SASH1: variants seen among roughly 807,000 people sequenced by gnomAD.
SASH1 encodes the protein SAM and SH3 domain containing 1.
SASH1 carries 44 observed loss-of-function variants against 125.2 expected under a neutral mutation model. The observed-to-expected ratio is 0.35, with a 90% CI of 0.28 to 0.45. The LOEUF (loss-of-function observed/expected upper bound fraction) is 0.45, where lower values mean the gene tolerates loss of function less well. Ranked by LOEUF, SASH1 falls within the 20% of genes least tolerant of loss-of-function variation. The probability of loss-of-function intolerance (pLI) is 1.00; values close to 1 mark genes in which losing one functional copy is unlikely to be tolerated. For synonymous variants in SASH1, 639 were observed against 649.1 expected, an observed-to-expected ratio of 0.98 and a Z score of 0.24; for missense variants, 1,426 against 1,614.5, an observed-to-expected ratio of 0.88 and a Z score of 2.00.
intron 1 of SASH1, among the ~76,000 whole-genome samples, chr6:148,337,327 C>A (rs1282914641): frequency 3.3e-5 from 5 of 151,590 alleles, no homozygotes; most frequent in Non-Finnish European, 4.4e-5. Flanking sequence ...AGGTTCATGC[C>A]ATTCTCCTGC....
intron 1 of SASH1, among the ~76,000 whole-genome samples, chr6:148,302,841 T>TAC (rs942125692): frequency 1.5e-4 from 17 of 114,300 alleles, no homozygotes; most frequent in African/African-American, 5.3e-4. Context: ...TATATATATA[T>TAC]ATACACACAC....
intron 1 of SASH1, among the ~76,000 whole-genome samples, chr6:148,387,905 ATTTTTTTTTTTT>A (rs71004291): frequency 1.9e-5 from 1 of 53,964 alleles, no homozygotes; most frequent in South Asian, 1.1e-3. Flanking sequence ...CGCCCTGCTA[ATTTTTTTTTTTT>A]TTTTTTTTTT....
chr6:148,256,922 G>C, the SASH1 span, among the ~76,000 whole-genome samples: 4 of 152,132 alleles, frequency 2.6e-5, no homozygotes, highest in African/African-American at 9.7e-5. Flanking sequence ...GTTGATGAGA[G>C]CTTTGGGGGT....
chr6:148,378,075 G>A (rs1782982198), intron 1 of SASH1, among the ~76,000 whole-genome samples: 1 of 150,262 alleles, frequency 6.7e-6, no homozygotes, highest in South Asian at 2.1e-4. Flanking sequence ...TTTTTTGACG[G>A]AGTTTTGCTC....
intron 10 of SASH1, among the ~76,000 whole-genome samples, chr6:148,520,871 C>T (rs1248840456): frequency 6.6e-6 from 1 of 152,156 alleles, no homozygotes; most frequent in African/African-American, 2.4e-5. Context: ...TTTTAAAGCA[C>T]ATTTATTTTA....
At position 148,423,000 on chromosome 6, in the gene SASH1, G is replaced by A. The variant is rs150079008; in HGVS notation, c.286-17184G>A. On this transcript the variant is annotated intron_variant, in intron 2 of 19. Transcript: ENST00000367467. ...TGTCGCCAGGCTGGAGTGCAGTGGC[G>A]TGATCTCGGCTTACTGCAACCTCTG... Among the ~76,000 whole-genome samples, 473 of 152,236 alleles carry A rather than the reference G, an allele frequency of 3.1e-3. 2 individuals carry two copies. Among genetic ancestry groups the A allele is most frequent in the African/African-American group, 0.011 (449 of 41,542 alleles).
intron 10 of SASH1, chr6:148,525,032 G>T: frequency 2.3e-6 from 1 of 435,688 alleles, no homozygotes; most frequent in Non-Finnish European, 4.2e-6. Context: ...AAAAAAAATG[G>T]TTGGTTTTTG....
intron 1 of SASH1, among the ~76,000 whole-genome samples, chr6:148,283,829 G>C (rs1164829381): frequency 6.6e-6 from 1 of 152,062 alleles, no homozygotes; most frequent in Non-Finnish European, 1.5e-5. Context: ...CTGATACTAA[G>C]CCAGTGAAGA....
chr6:148,300,052 C>A (rs565192731), intron 1 of SASH1, among the ~76,000 whole-genome samples: 1 of 152,112 alleles, frequency 6.6e-6, no homozygotes, highest in Non-Finnish European at 1.5e-5. Context: ...CAGTAAATTG[C>A]TTTTGGGTAG....
upstream of SASH1, among the ~76,000 whole-genome samples, chr6:148,339,120 G>C (rs1781251469): frequency 6.6e-6 from 1 of 152,120 alleles, no homozygotes; most frequent in African/African-American, 2.4e-5. Context: ...AATCTTGGGA[G>C]TGGTAATCAG....
At chr6:148,460,184 A>T (rs986582390) in intron 4 of SASH1, among the ~76,000 whole-genome samples, 6 of 152,206 alleles carry the variant, frequency 3.9e-5, no homozygotes, top group Non-Finnish European at 8.8e-5. Context: ...AATAGAACTA[A>T]CCCTGCATGT....
intron 1 of SASH1, among the ~76,000 whole-genome samples, chr6:148,334,970 T>C (rs1468494985): frequency 3.3e-5 from 2 of 59,754 alleles, no homozygotes; most frequent in Non-Finnish European, 7.0e-5. Flanking sequence ...TGAGACTCCA[T>C]CTCAAAAAAA....
chr6:148,321,494 T>C (rs552397817), intron 1 of SASH1, among the ~76,000 whole-genome samples: 182 of 152,296 alleles, frequency 1.2e-3, no homozygotes, highest in Non-Finnish European at 1.6e-3. Flanking sequence ...ACCCCTGAGA[T>C]TGCTGTGCTT....
At chr6:148,223,463 A>C in the SASH1 span, among the ~76,000 whole-genome samples, 1 of 152,208 alleles carries the variant, frequency 6.6e-6, no homozygotes, top group Non-Finnish European at 1.5e-5. Context: ...AGTTCAACCA[A>C]GAGGCTTCCG....
intron 10 of SASH1, among the ~76,000 whole-genome samples, chr6:148,523,357 G>A (rs1199926301): frequency 6.6e-6 from 1 of 152,206 alleles, no homozygotes; most frequent in African/African-American, 2.4e-5. Flanking sequence ...GAAGGTTAAT[G>A]TTAAAAATTA....
intron 8 of SASH1, among the ~76,000 whole-genome samples, chr6:148,492,886 G>A (rs563924054): frequency 1.2e-4 from 18 of 151,678 alleles, no homozygotes; most frequent in Middle Eastern, 3.4e-3. Context: ...AATCACACTC[G>A]TGTATGCACA....
rs777087173 is a variant in SASH1, at chr6:148,534,005, C to T, written c.1944+25C>T. Reference sequence around the variant, plus strand: ...AGTCAGTCGCTTCTGATTCTTGTCACACGCTACTACCTCACTGCCTTTTTC... The same window carrying T: ...AGTCAGTCGCTTCTGATTCTTGTCATACGCTACTACCTCACTGCCTTTTTC... On this transcript the variant is annotated intron_variant, in intron 15 of 19. Transcript: ENST00000367467. The T allele has an allele frequency of 2.5e-6, 4 of 1,602,662 alleles. No homozygotes were observed. The South Asian group carries it at 4.4e-5, about 18-fold the overall frequency.
At chr6:148,446,003 T>C (rs1323709780) in intron 4 of SASH1, among the ~76,000 whole-genome samples, 2 of 150,906 alleles carry the variant, frequency 1.3e-5, no homozygotes, top group Admixed American at 1.3e-4. Context: ...CAGAATTGGG[T>C]CACTTGACCA....
At chr6:148,517,392 A>G (rs28730974) in intron 9 of SASH1, among the ~76,000 whole-genome samples, 31,428 of 152,076 alleles carry the variant, frequency 0.21, 3,733 homozygotes, top group Middle Eastern at 0.34. Context: ...GTCTCAGCTG[A>G]ATAAGATAGA....
Sources: gnomAD v4.1 joint callset for allele counts (sites outside exome capture counted in the v4.1 genomes callset) on GRCh38, gnomAD v4.1.1 for gene constraint, MANE v1.5 for transcripts, NCBI Gene and HGNC (gene_info 2026-07-23, HGNC 2026-07-21) for gene names.